Variants in BCL6 observed in about 807,000 individuals in gnomAD.
BCL6 encodes the protein BCL6 transcription repressor, also known as B-cell lymphoma 6 protein.
A neutral mutation model predicts 59.5 loss-of-function variants in BCL6; 7 were observed. The ratio of observed to expected loss-of-function variants is 0.12; its 90% CI spans 0.07 to 0.22. The LOEUF is 0.22. BCL6 is among the 10% of genes least tolerant of loss of function. BCL6 has a pLI of 1.00. For synonymous variants in BCL6, 339 were observed against 349.7 expected, an observed-to-expected ratio of 0.97 and a Z score of 0.34; for missense variants, 685 against 939.4, an observed-to-expected ratio of 0.73 and a Z score of 3.54.
chr3:187,721,717 GT>G lies in BCL6; in HGVS notation c.*740del, dbSNP rs1036265781. 1.6e-4 allele frequency: 36 copies of G among 230,664 alleles called. 1 individual carries two copies. In the South Asian group the frequency reaches 5.7e-3, roughly 36 times the overall value. The allele number at this position is 230,664 out of a possible 1,614,324, so 14.3% of individuals were successfully genotyped here. A position where few individuals can be genotyped will look rare whatever the true frequency, so the allele number is the denominator to read the frequency against. On this transcript the variant is annotated 3_prime_UTR_variant, in exon 10 of 10. Coordinates refer to ENST00000406870, the MANE Select transcript of BCL6 (RefSeq NM_001706.5). This position sits in a 1 kb window ranked among gnomAD's most constrained non-coding sequence, Gnocchi z 4.2. ...TTCTGCAGATTTTTTTGTTCTTTTT[GT>G]TTTTTTTAATACACACTTTGTAAAT... is the stretch of plus-strand genomic sequence containing the variant.
At chr3:187,743,488 A>G (rs1711696098) in intron 1 of BCL6, among the ~76,000 whole-genome samples, 1 of 151,728 alleles carries the variant, frequency 6.6e-6, no homozygotes, top group African/African-American at 2.4e-5. Context: ...CCACCAACAC[A>G]ACCATCGTAG....
At chr3:187,745,182 T>C (rs539596236) in intron 1 of BCL6, among the ~76,000 whole-genome samples, 2 of 152,234 alleles carry the variant, frequency 1.3e-5, no homozygotes, top group East Asian at 1.9e-4. Flanking sequence ...GGGACTAATC[T>C]TCGGCATTTA....
intron 1 of BCL6, chr3:187,737,481 T>G (rs765755736): frequency 3.3e-5 from 5 of 152,192 alleles, no homozygotes; most frequent in Admixed American, 1.3e-4. Flanking sequence ...CCTCCTCCCC[T>G]GGGCTGGCAC....
chr3:187,725,119 C>A lies in BCL6; in HGVS notation c.1840-41G>T, dbSNP rs1718610822. On this transcript the variant is annotated intron_variant, in intron 8 of 9. Transcript: ENST00000406870. This position sits in a 1 kb window ranked among gnomAD's most constrained non-coding sequence, Gnocchi z 4.7. The stretch of plus-strand genomic sequence containing the variant: ...GGCATGAGAGGTCTTCTGGGGTGGG[C>A]TGCAGGCCTCTGGGCAGCCCCTCAT... 3 of 1,611,590 alleles carry A rather than the reference C, an allele frequency of 1.9e-6. No individual in the cohort carries two copies. Among genetic ancestry groups the A allele is most frequent in the Admixed American group, 3.3e-5 (2 of 59,996 alleles).
intron 2 of BCL6, chr3:187,734,634 C>T (rs1719204701): frequency 6.6e-6 from 1 of 152,336 alleles, no homozygotes; most frequent in Non-Finnish European, 1.5e-5. Context: ...TGTTGGTGAA[C>T]ATTAGCTGGC....
chr3:187,744,894 CA>C, intron 1 of BCL6, among the ~76,000 whole-genome samples: 1 of 152,228 alleles, frequency 6.6e-6, no homozygotes, highest in Middle Eastern at 3.4e-3. Context: ...CGTACGCAAG[CA>C]GCAGCAGAAA....
At chr3:187,737,351 G>C (rs1232076496) in intron 1 of BCL6, 10 of 33,312 alleles carry the variant, frequency 3.0e-4, no homozygotes, top group Non-Finnish European at 4.7e-4. Context: ...AAACGACAGA[G>C]AGAGAGAGAG....
Position 187,725,404 on chromosome 3 carries a change from T to C in BCL6, c.1839+95A>G. On this transcript the variant is annotated intron_variant, in intron 8 of 9. Coordinates refer to ENST00000406870, the MANE Select transcript of BCL6 (RefSeq NM_001706.5). The surrounding 1 kb of genome is among the most constrained non-coding windows in gnomAD (Gnocchi z 4.7). ...CGCTCCGCTTGCCTGCCCGCTCCACTTGCCTGCCCACTCCTCCGCTTGCCT... is the reference window on the plus strand; with the variant it reads ...CGCTCCGCTTGCCTGCCCGCTCCACCTGCCTGCCCACTCCTCCGCTTGCCT... 1 of 1,567,440 alleles carries C rather than the reference T, an allele frequency of 6.4e-7. No individual in the cohort carries two copies. Among genetic ancestry groups the C allele is most frequent in the Non-Finnish European group, 8.6e-7 (1 of 1,158,060 alleles).
At chr3:187,743,881 C>T (rs2108482491) in intron 1 of BCL6, among the ~76,000 whole-genome samples, 1 of 152,334 alleles carries the variant, frequency 6.6e-6, no homozygotes, top group South Asian at 2.1e-4. Flanking sequence ...ACCTCGCAAT[C>T]TATTTTTGCA....
chr3:187,729,796 G>A lies in BCL6; in HGVS notation c.609C>T (p.Val203=). Reference sequence around the variant, plus strand: ...CCTCATCGGAGAAGAGGAGGCTGCTGACAGGGAGGTGGCTGTACATGGAAT... The same window carrying A: ...CCTCATCGGAGAAGAGGAGGCTGCTAACAGGGAGGTGGCTGTACATGGAAT... ...ASYSMYSHLP[V]SSLLFSDEEF... is the part of the protein sequence containing the mutation. Residue 203 remains valine, a synonymous_variant, in exon 5 of 10, where the codon GTC becomes GTT. Transcript: ENST00000406870. This position sits in a 1 kb window ranked among gnomAD's most constrained non-coding sequence, Gnocchi z 5.6. 2 of 1,614,192 alleles carry A rather than the reference G, an allele frequency of 1.2e-6. No homozygotes were observed. The highest frequency in any genetic ancestry group is 2.2e-5 in the South Asian group (2 of 91,080).
intron 1 of BCL6, among the ~76,000 whole-genome samples, chr3:187,745,134 A>T (rs1576886355): frequency 6.6e-6 from 1 of 152,212 alleles, no homozygotes; most frequent in Admixed American, 6.5e-5. Flanking sequence ...AATAATAATA[A>T]ATACATAACA....
chr3:187,728,881 A>G (rs1314429109), intron 5 of BCL6, among the ~76,000 whole-genome samples, 169 bp downstream of exon 5: 1 of 152,204 alleles, frequency 6.6e-6, no homozygotes, highest in African/African-American at 2.4e-5. Flanking sequence ...CTATGAAAAA[A>G]TATACACTAC....
At chr3:187,736,325 T>C (rs1461410913) in intron 1 of BCL6, 1 of 152,222 alleles carries the variant, frequency 6.6e-6, no homozygotes, top group Admixed American at 6.5e-5. Context: ...AGAGATAGAC[T>C]AACTCGGTCT....
At chr3:187,732,027 C>T in intron 3 of BCL6, 97 bp from the exon 4 acceptor site, 2 of 1,003,580 alleles carry the variant, frequency 2.0e-6, no homozygotes, top group South Asian at 1.5e-5. Flanking sequence ...CTGGGCCTAC[C>T]TCCAGAACTT....
intron 4 of BCL6, 110 bp downstream of exon 4, chr3:187,731,599 T>C: frequency 9.6e-7 from 1 of 1,043,362 alleles, no homozygotes; most frequent in Non-Finnish European, 1.4e-6. Context: ...GAAATGTGGG[T>C]TGCAGCATAT....
In BCL6 at chr3:187,729,660, C is replaced by T. The variant is rs369204237; in HGVS notation, c.745G>A (p.Val249Met). The change falls in exon 5 of 10, where the codon GTG (valine) becomes ATG (methionine). Residue 249 changes from valine to methionine, a missense_variant. By Grantham distance (21) the Val-to-Met change is conservative. This residue lies in a region of BCL6 where 268 missense variants were observed against 263.8 expected (regional missense o/e 1.02). Transcript: ENST00000406870. This position sits in a 1 kb window ranked among gnomAD's most constrained non-coding sequence, Gnocchi z 5.6. ...TTGCTGTGGCACACATTGGGGGACA[C>T]CTCCAAAGTCGGCCGGCTGTACTCA... ...PGEYSRPTLEVSPNVCHSNIY... is the reference protein window; with the variant it reads ...PGEYSRPTLEMSPNVCHSNIY... 72 of 1,614,156 alleles carry T rather than the reference C, an allele frequency of 4.5e-5. 1 individual carries two copies. The highest frequency in any genetic ancestry group is 5.9e-5 in the Non-Finnish European group (70 of 1,180,014).
rs1718592015 is a variant in BCL6 at position 187,724,845 on chromosome 3, C to T, written c.1977+96G>A. 2.6e-6 allele frequency: 4 copies of T among 1,530,312 alleles called. No individual in the cohort carries two copies. The South Asian group carries it at 3.7e-5, about 14-fold the overall frequency. 94.8% of individuals were successfully genotyped at this position (1,530,312 alleles called of 1,614,324 possible). Reference sequence around the variant, plus strand: ...CTTGAGATGGGAGCAAACAGTTCCACTGCCTCCCTGCTCCACCTCCTTCCC... The same window carrying T: ...CTTGAGATGGGAGCAAACAGTTCCATTGCCTCCCTGCTCCACCTCCTTCCC... On this transcript the variant is annotated intron_variant, in intron 9 of 9. Transcript: ENST00000406870.
At chr3:187,739,297 G>T (rs181900021) in intron 1 of BCL6, among the ~76,000 whole-genome samples, 1 of 152,262 alleles carries the variant, frequency 6.6e-6, no homozygotes, top group African/African-American at 2.4e-5. Context: ...GGGCCCTGCC[G>T]TGGGGCTCCC....
At chr3:187,743,915 T>C (rs2108482576) in intron 1 of BCL6, among the ~76,000 whole-genome samples, 2 of 152,172 alleles carry the variant, frequency 1.3e-5, no homozygotes, top group East Asian at 3.9e-4. Context: ...AGATCTCCCT[T>C]TCGCGCCCGC....
Sources: allele counts gnomAD v4.1 joint callset (sites outside exome capture counted in the v4.1 genomes callset), GRCh38; gene constraint gnomAD v4.1.1; regional missense constraint gnomAD v4.1.1; non-coding constraint Gnocchi (gnomAD v3.1); transcripts MANE v1.5; gene names NCBI Gene and HGNC (gene_info 2026-07-23, HGNC 2026-07-21).